Variants in CORO2B observed in about 807,000 individuals in gnomAD.
CORO2B encodes the protein coronin 2B.
A neutral mutation model predicts 58.8 loss-of-function variants in CORO2B; 26 were observed. That is an observed-to-expected ratio of 0.44 (90% confidence interval 0.32 to 0.61). The LOEUF (loss-of-function observed/expected upper bound fraction) is 0.61. Ranked by LOEUF, CORO2B falls within the 20% of genes least tolerant of loss-of-function variation. CORO2B has a pLI of 0.04. For synonymous variants in CORO2B, 242 were observed against 253.8 expected (o/e 0.95, Z 0.44); for missense variants, 460 against 645.1 (o/e 0.71, Z 3.11).
At chr15:68,564,894 T>C in the CORO2B span, among the ~76,000 whole-genome samples, 1 of 152,194 alleles carries the variant, frequency 6.6e-6, no homozygotes, top group South Asian at 2.1e-4. Context: ...TACAGAAACA[T>C]GTGAAAACCA....
intron 2 of CORO2B, among the ~76,000 whole-genome samples, chr15:68,678,766 C>G (rs1448688927): frequency 6.6e-6 from 1 of 152,258 alleles, no homozygotes; most frequent in South Asian, 2.1e-4. Context: ...GAGCTGCCCA[C>G]ACCATGTCCC....
chr15:68,559,643 T>C, the CORO2B span: 94 of 985,144 alleles, frequency 9.5e-5, no homozygotes, highest in Non-Finnish European at 1.1e-4. This position sits in a 1 kb window ranked among gnomAD's most constrained non-coding sequence, Gnocchi z 4.3. Context: ...TTTCTTTCCC[T>C]AACCCTTTCC....
chr15:68,707,069 T>A (rs1329266070), intron 3 of CORO2B, among the ~76,000 whole-genome samples: 2 of 152,254 alleles, frequency 1.3e-5, no homozygotes, highest in Non-Finnish European at 2.9e-5. Context: ...CCAGCGATAG[T>A]CCTGCCTCAG....
intron 9 of CORO2B, 144 bp downstream of exon 9, chr15:68,718,954 T>A: frequency 2.3e-6 from 2 of 852,786 alleles, no homozygotes; most frequent in Non-Finnish European, 3.8e-6. Flanking sequence ...TGAGGGGCAT[T>A]CTCAGATGGG....
Position 68,673,375 on chromosome 15 carries a change from A to G in CORO2B, c.217-21765A>G, listed in dbSNP as rs114311636. 9.7e-3 allele frequency among the ~76,000 whole-genome samples: 1,474 copies of G among 151,900 alleles called. 25 individuals are homozygous for G. The highest frequency in any genetic ancestry group is 0.034 in the African/African-American group (1,412 of 41,392). On this transcript the variant is annotated intron_variant, in intron 2 of 11. Coordinates refer to ENST00000261861, the MANE Select transcript of CORO2B (RefSeq NM_006091.5). Reference sequence around the variant, plus strand: ...ACCCTGTCTCTCAAATGAAAAAAATAAAAAATTAGCCAAGCATGCCTGAGT... The same window carrying G: ...ACCCTGTCTCTCAAATGAAAAAAATGAAAAATTAGCCAAGCATGCCTGAGT...
chr15:68,717,998 G>T (rs796762818), intron 8 of CORO2B, among the ~76,000 whole-genome samples: 2 of 152,270 alleles, frequency 1.3e-5, no homozygotes, highest in African/African-American at 4.8e-5. Flanking sequence ...CTTGCCAAAG[G>T]ACTCCTAGAT....
chr15:68,667,458 G>A (rs866100879), intron 2 of CORO2B, among the ~76,000 whole-genome samples: 94 of 152,218 alleles, frequency 6.2e-4, no homozygotes, highest in African/African-American at 2.0e-3. Context: ...ACACCCATTC[G>A]TTTTTCCATT....
At chr15:68,568,788 T>G in the CORO2B span, among the ~76,000 whole-genome samples, 112 of 152,062 alleles carry the variant, frequency 7.4e-4, no homozygotes, top group Non-Finnish European at 1.3e-3. Flanking sequence ...TGGGAACACA[T>G]GGACACAGGG....
the CORO2B span, among the ~76,000 whole-genome samples, chr15:68,545,614 G>A: frequency 2.0e-5 from 3 of 151,590 alleles, no homozygotes; most frequent in South Asian, 2.1e-4. Flanking sequence ...GCGGGGGGCG[G>A]GGGGGGTAAT....
the CORO2B span, among the ~76,000 whole-genome samples, chr15:68,561,392 C>G: frequency 6.6e-6 from 1 of 152,250 alleles, no homozygotes; most frequent in Non-Finnish European, 1.5e-5. Context: ...CCCGACTCTC[C>G]CCTGCCCTCA....
At chr15:68,586,126 C>G (rs1899551015) in intron 1 of CORO2B, among the ~76,000 whole-genome samples, 1 of 152,194 alleles carries the variant, frequency 6.6e-6, no homozygotes, top group Non-Finnish European at 1.5e-5. Flanking sequence ...TGCCTCACCT[C>G]TCTGAACATC....
At chr15:68,673,305 G>GT (rs1214281583) in intron 2 of CORO2B, among the ~76,000 whole-genome samples, 3 of 152,132 alleles carry the variant, frequency 2.0e-5, no homozygotes, top group Non-Finnish European at 4.4e-5. Flanking sequence ...GAAGGCTGAG[G>GT]TGGGAGGATT....
At chr15:68,593,461 A>C (rs539354415) in intron 1 of CORO2B, among the ~76,000 whole-genome samples, 14 of 152,290 alleles carry the variant, frequency 9.2e-5, no homozygotes, top group African/African-American at 3.4e-4. Context: ...TCCATTCTCT[A>C]GCAGCCAGGT....
chr15:68,592,413 G>T (rs1013863680), intron 1 of CORO2B, among the ~76,000 whole-genome samples: 1 of 152,072 alleles, frequency 6.6e-6, no homozygotes, highest in African/African-American at 2.4e-5. Context: ...GTTTTTAGTG[G>T]TTACCTGGGG....
chr15:68,535,286 G>A, the CORO2B span, among the ~76,000 whole-genome samples: 1 of 152,196 alleles, frequency 6.6e-6, no homozygotes, highest in Admixed American at 6.5e-5. Context: ...GCATCTCTCT[G>A]TAGCCCTGGA....
At chr15:68,556,437 G>A in the CORO2B span, among the ~76,000 whole-genome samples, 2 of 152,196 alleles carry the variant, frequency 1.3e-5, no homozygotes, top group African/African-American at 4.8e-5. Flanking sequence ...ATAAATGTGA[G>A]TCTATGGAGG....
At chr15:68,651,553 C>T (rs1376623639) in intron 2 of CORO2B, among the ~76,000 whole-genome samples, 1 of 152,228 alleles carries the variant, frequency 6.6e-6, no homozygotes, top group Non-Finnish European at 1.5e-5. Context: ...TGCAAATCAT[C>T]ACTTGGAGCG....
At chr15:68,706,783 C>T (rs1259818555) in intron 3 of CORO2B, among the ~76,000 whole-genome samples, 2 of 152,076 alleles carry the variant, frequency 1.3e-5, no homozygotes, top group African/African-American at 2.4e-5. Context: ...GATCATAGCT[C>T]ACTGCAGCCT....
chr15:68,563,324 CA>C, the CORO2B span, among the ~76,000 whole-genome samples: 13 of 151,090 alleles, frequency 8.6e-5, no homozygotes, highest in African/African-American at 2.9e-4. Context: ...TACATCCCTA[CA>C]AAAAAAACAC....
Sources: gnomAD v4.1 joint callset for allele counts (sites outside exome capture counted in the v4.1 genomes callset) on GRCh38, gnomAD v4.1.1 for gene constraint, Gnocchi (gnomAD v3.1) non-coding constraint, MANE v1.5 for transcripts, NCBI Gene and HGNC (gene_info 2026-07-23, HGNC 2026-07-21) for gene names.